AKAP13: variants seen among roughly 807,000 people sequenced by gnomAD.
AKAP13 encodes the protein A-kinase anchor protein 13.
Under a neutral mutation model 264.5 loss-of-function variants are expected in AKAP13, and 80 were observed. That is an observed-to-expected ratio of 0.30 (90% CI 0.25 to 0.36). The LOEUF (loss-of-function observed/expected upper bound fraction) is 0.36. AKAP13 is among the 10% of genes least tolerant of loss of function. The probability of loss-of-function intolerance (pLI) is 1.00; values close to 1 mark genes in which losing one functional copy is unlikely to be tolerated. For missense variants in AKAP13, 3,712 were observed against 3,435.2 expected, an observed-to-expected ratio of 1.08 and a Z score of -2.01; for synonymous variants, 1,380 against 1,250.2, an observed-to-expected ratio of 1.10 and a Z score of -2.19.
chr15:85,537,837 C>T (rs1375130352), intron 4 of AKAP13, among the ~76,000 whole-genome samples: 1 of 152,208 alleles, frequency 6.6e-6, no homozygotes, highest in Non-Finnish European at 1.5e-5. Flanking sequence ...CATTTGGAGA[C>T]ACAAAACATT....
chr15:85,520,302 C>T (rs531235389), intron 2 of AKAP13, among the ~76,000 whole-genome samples: 2 of 151,986 alleles, frequency 1.3e-5, no homozygotes, highest in African/African-American at 2.4e-5. Context: ...CGAGACCAAC[C>T]TGGCCAACAC....
At chr15:85,590,823 T>G (rs1004303067) in intron 8 of AKAP13, among the ~76,000 whole-genome samples, 13 of 152,174 alleles carry the variant, frequency 8.5e-5, no homozygotes, top group African/African-American at 3.1e-4. Flanking sequence ...CGTTGTCATC[T>G]TTTTTTCCTT....
intron 30 of AKAP13, among the ~76,000 whole-genome samples, chr15:85,734,375 GTGTAGTTTTTCTTTTTTA>G (rs1324901478): frequency 6.6e-6 from 1 of 152,106 alleles, no homozygotes; most frequent in Non-Finnish European, 1.5e-5. Flanking sequence ...TATCATTTTT[GTGTAGTTTTTCTTTTTTA>G]ATATGGCTTG....
intron 1 of AKAP13, among the ~76,000 whole-genome samples, chr15:85,420,955 G>A (rs979463716): frequency 1.3e-5 from 2 of 152,160 alleles, no homozygotes; most frequent in African/African-American, 4.8e-5. Context: ...TTTAAGGAGT[G>A]TGGTTCATTC....
chr15:85,699,710 T>C (rs1196233753), intron 17 of AKAP13, among the ~76,000 whole-genome samples: 1 of 152,248 alleles, frequency 6.6e-6, no homozygotes, highest in African/African-American at 2.4e-5. Context: ...AATAAGTTGG[T>C]ATTTGATTTG....
intron 1 of AKAP13, chr15:85,415,407 A>T: frequency 6.2e-7 from 1 of 1,607,164 alleles, no homozygotes; most frequent in Non-Finnish European, 8.5e-7. Flanking sequence ...GAGCACTTTG[A>T]AAACAACACA....
At chr15:85,386,911 G>A (rs931225069) in intron 1 of AKAP13, among the ~76,000 whole-genome samples, 1 of 152,028 alleles carries the variant, frequency 6.6e-6, no homozygotes, top group South Asian at 2.1e-4. Flanking sequence ...GGTAGTGTGA[G>A]TTATCTTATT....
At chr15:85,517,402 G>T (rs2076646640) in intron 2 of AKAP13, among the ~76,000 whole-genome samples, 1 of 151,708 alleles carries the variant, frequency 6.6e-6, no homozygotes, top group African/African-American at 2.4e-5. Context: ...GAAAGCCTCA[G>T]ACCACTAGTA....
intron 8 of AKAP13, among the ~76,000 whole-genome samples, chr15:85,627,880 T>C (rs2081501246): frequency 6.6e-6 from 1 of 152,210 alleles, no homozygotes; most frequent in Non-Finnish European, 1.5e-5. Context: ...CTCATGCTTT[T>C]TTCGTATAGC....
intron 10 of AKAP13, among the ~76,000 whole-genome samples, chr15:85,649,795 C>T (rs2082721370): frequency 6.6e-6 from 1 of 152,014 alleles, no homozygotes; most frequent in Non-Finnish European, 1.5e-5. Flanking sequence ...GAAAAGAAAT[C>T]CTAGGATTCT....
At chr15:85,671,457 A>AAAAG (rs2083926288) in intron 14 of AKAP13, among the ~76,000 whole-genome samples, 2 of 129,108 alleles carry the variant, frequency 1.5e-5, no homozygotes, top group African/African-American at 3.0e-5. Context: ...AAAAAAAAAA[A>AAAAG]AGAGAGAGAG....
Position 85,588,592 on chromosome 15 carries a change from A to G in AKAP13, c.4161+2769A>G, listed in dbSNP as rs548715059. On this transcript the variant is annotated intron_variant, in intron 8 of 36. Coordinates refer to ENST00000394518, the MANE Select transcript of AKAP13 (RefSeq NM_007200.5). Reference sequence around the variant, plus strand: ...CTATTCTAATGGTATCTTGTCTACTATAAAGAAGAAAACAAAACATGACTT... The same window carrying G: ...CTATTCTAATGGTATCTTGTCTACTGTAAAGAAGAAAACAAAACATGACTT... Among the ~76,000 whole-genome samples, 69 of 152,332 alleles carry G rather than the reference A, an allele frequency of 4.5e-4. 1 individual carries two copies. The highest frequency in any genetic ancestry group is 8.1e-4 in the Non-Finnish European group (55 of 68,020).
chr15:85,559,190 C>T (rs2078263594), intron 5 of AKAP13, among the ~76,000 whole-genome samples: 2 of 151,984 alleles, frequency 1.3e-5, no homozygotes, highest in Non-Finnish European at 2.9e-5. Flanking sequence ...CACTAAGTGG[C>T]GTGAAGCACT....
At chr15:85,426,566 A>G (rs530274076) in intron 1 of AKAP13, among the ~76,000 whole-genome samples, 67 of 152,216 alleles carry the variant, frequency 4.4e-4, no homozygotes, top group Admixed American at 9.8e-4. Context: ...CTTATAAAGA[A>G]AACCAAATGA....
intron 8 of AKAP13, among the ~76,000 whole-genome samples, chr15:85,627,386 A>G (rs1210512367): frequency 6.6e-6 from 1 of 152,032 alleles, no homozygotes; most frequent in African/African-American, 2.4e-5. Flanking sequence ...TCTCTGATGT[A>G]TACCTTTTAT....
At chr15:85,578,337 T>A (rs1260327560) in intron 6 of AKAP13, among the ~76,000 whole-genome samples, 1 of 152,180 alleles carries the variant, frequency 6.6e-6, no homozygotes, top group Non-Finnish European at 1.5e-5. Context: ...AATCAGGTTT[T>A]TGAGACTCTT....
In AKAP13 at chr15:85,563,339, T is replaced by TTTG. The variant is rs1393472886; in HGVS notation, c.663-11790_663-11789insGTT. Among the ~76,000 whole-genome samples the TTTG allele has an allele frequency of 1.4e-3, 195 of 136,378 alleles. 2 individuals are homozygous for TTTG. In the Middle Eastern group the frequency reaches 0.018, roughly 12 times the overall value. 89.5% of individuals were successfully genotyped at this position (136,378 alleles called of 152,430 possible). ...GAGTAGAATGTGCTTGTTTTTTTTT[T>TTTG]TTTTTTTTTTTTTTTAAAGACGGAG... is the stretch of plus-strand genomic sequence containing the variant. On this transcript the variant is annotated intron_variant, in intron 5 of 36. Coordinates refer to ENST00000394518, the MANE Select transcript of AKAP13 (RefSeq NM_007200.5).
At position 85,732,494 on chromosome 15, in the gene AKAP13, TTAAA is replaced by T. The variant is rs1358739845; in HGVS notation, c.7282+1790_7282+1793del. Among the ~76,000 whole-genome samples, 3 of 149,862 alleles carry T rather than the reference TTAAA, an allele frequency of 2.0e-5. No homozygotes were observed. The East Asian group carries it at 5.8e-4, about 29-fold the overall frequency. Reference sequence around the variant, plus strand: ...TTATATGTTTTACATCATATATAATTTAAATACCTATTGAACATAAAATGTGTAT... The same window carrying T: ...TTATATGTTTTACATCATATATAATTTACCTATTGAACATAAAATGTGTAT... On this transcript the variant is annotated intron_variant, in intron 30 of 36. Transcript: ENST00000394518.
At chr15:85,584,673 G>A (rs531945321) in intron 7 of AKAP13, among the ~76,000 whole-genome samples, 54 of 152,304 alleles carry the variant, frequency 3.5e-4, no homozygotes, top group African/African-American at 1.3e-3. Context: ...CTATAGAAAT[G>A]TAACTCTTAC....
Sources: allele counts gnomAD v4.1 joint callset (sites outside exome capture counted in the v4.1 genomes callset), GRCh38; gene constraint gnomAD v4.1.1; transcripts MANE v1.5; gene names NCBI Gene and HGNC (gene_info 2026-07-23, HGNC 2026-07-21).